CST1: variants seen among roughly 807,000 people sequenced by gnomAD.
CST1 encodes cystatin SN.
Under a neutral mutation model 10.7 loss-of-function variants are expected in CST1, and 19 were observed. The observed-to-expected ratio is 1.78, with a 90% CI of 1.24 to 2.61. The LOEUF is 2.61. Ranked by LOEUF, CST1 falls within the 30% of genes most tolerant of loss-of-function variation. The probability of loss-of-function intolerance (pLI) is 0.00; values close to 1 mark genes in which losing one functional copy is unlikely to be tolerated. For synonymous variants in CST1, 95 were observed against 72.8 expected, an observed-to-expected ratio of 1.31 and a Z score of -1.55; for missense variants, 247 against 178.1, an observed-to-expected ratio of 1.39 and a Z score of -2.20.
chr20:23,750,620 G>T lies in CST1; in HGVS notation c.228+19C>A. The T allele has an allele frequency of 6.2e-7, 1 of 1,612,148 alleles. No individual in the cohort carries two copies. Among genetic ancestry groups the T allele is most frequent in the South Asian group, 1.1e-5 (1 of 91,022 alleles). On this transcript the variant is annotated intron_variant, in intron 1 of 2. Coordinates refer to ENST00000304749, the MANE Select transcript of CST1 (RefSeq NM_001898.3). Reference sequence around the variant, plus strand: ...ACCAGGCTGGGACCCAGGACCCCTGGGGTGGAGGGAGCACCTACCTGTTGC... The same window carrying T: ...ACCAGGCTGGGACCCAGGACCCCTGTGGTGGAGGGAGCACCTACCTGTTGC...
rs1982704254 is a variant in CST1 at position 23,747,801 on chromosome 20, G to T, written c.*15C>A. The T allele has an allele frequency of 8.7e-6, 14 of 1,612,412 alleles. No individual in the cohort carries two copies. The highest frequency in any genetic ancestry group is 1.3e-5 in the African/African-American group (1 of 74,882). Reference sequence around the variant, plus strand: ...GAGTGGGTGGTGGCTGGTGCGAATGGCCTGGCACAGATCCCTAGGATTCTT... The same window carrying T: ...GAGTGGGTGGTGGCTGGTGCGAATGTCCTGGCACAGATCCCTAGGATTCTT... On this transcript the variant is annotated 3_prime_UTR_variant, in exon 3 of 3. Coordinates refer to ENST00000304749, the MANE Select transcript of CST1 (RefSeq NM_001898.3).
At chr20:23,749,996 G>A (rs1982785028) in intron 1 of CST1, among the ~76,000 whole-genome samples, 1 of 151,566 alleles carries the variant, frequency 6.6e-6, no homozygotes, top group South Asian at 2.1e-4. Flanking sequence ...CTGTGCCATG[G>A]GATGCAGGTC....
At chr20:23,750,471 G>A (rs1982798888) in intron 1 of CST1, among the ~76,000 whole-genome samples, 168 bp downstream of exon 1, 1 of 152,230 alleles carries the variant, frequency 6.6e-6, no homozygotes, top group Non-Finnish European at 1.5e-5. Context: ...TGCACGGCCG[G>A]GGAGCGTGCT....
chr20:23,749,774 G>A (rs1352330566), intron 1 of CST1, among the ~76,000 whole-genome samples: 1 of 151,210 alleles, frequency 6.6e-6, no homozygotes, highest in Non-Finnish European at 1.5e-5. Flanking sequence ...TGGGCCTGAT[G>A]GTCTGCAATG....
chr20:23,747,986 A>G, intron 2 of CST1, 87 bp from the exon 3 acceptor site: 1 of 1,316,664 alleles, frequency 7.6e-7, no homozygotes, highest in Non-Finnish European at 1.1e-6. Context: ...AGCCTGGGTG[A>G]GGAGGATGGA....
rs780083129 is a variant in CST1 at position 23,747,864 on chromosome 20, G to A, written c.378C>T (p.Pro126=). The A allele has an allele frequency of 1.2e-5, 19 of 1,613,898 alleles. No homozygotes were observed. The highest frequency in any genetic ancestry group is 1.6e-4 in the Middle Eastern group (1 of 6,080). ...QLCSFEIYEV[P]WENRRSLVKS... ...TCACCAGGGACCTTCTGTTCTCCCA[G>A]GGAACTTCGTAGATCTCGAAAGAGC... The change falls in exon 3 of 3, where the codon CCC becomes CCT. Residue 126 remains proline, a synonymous_variant. Transcript: ENST00000304749.
chr20:23,747,580 T>C lies in CST1; in HGVS notation c.*236A>G. On this transcript the variant is annotated 3_prime_UTR_variant, in exon 3 of 3. Coordinates refer to ENST00000304749, the MANE Select transcript of CST1 (RefSeq NM_001898.3). The stretch of plus-strand genomic sequence containing the variant: ...AGAGGGAGGCGATGCTACTGTTTAA[T>C]TGCAGGAGGTGGGGGGGTGTGTACC... 5.3e-6 allele frequency: 3 copies of C among 563,040 alleles called. No individual in the cohort carries two copies. The highest frequency in any genetic ancestry group is 2.4e-5 in the South Asian group (1 of 41,268). 34.9% of individuals were successfully genotyped at this position (563,040 alleles called of 1,614,324 possible). A position where few individuals can be genotyped will look rare whatever the true frequency, so the allele number is the denominator to read the frequency against.
intron 1 of CST1, 104 bp from the exon 2 acceptor site, chr20:23,749,233 C>T (rs1285047895): frequency 2.2e-6 from 2 of 891,532 alleles, no homozygotes; most frequent in African/African-American, 1.6e-5. Flanking sequence ...TCGTGAGCTG[C>T]CCACATGTCA....
intron 2 of CST1, among the ~76,000 whole-genome samples, chr20:23,748,184 C>A (rs923571771): frequency 7.9e-5 from 12 of 152,098 alleles, no homozygotes; most frequent in African/African-American, 2.7e-4. Context: ...CCTCGGGAGC[C>A]CCAAGGGTGC....
intron 1 of CST1, 77 bp downstream of exon 1, chr20:23,750,562 T>A: frequency 7.7e-7 from 1 of 1,296,678 alleles, no homozygotes; most frequent in Non-Finnish European, 1.1e-6. Flanking sequence ...CAGTGTTGAT[T>A]TGCTGGGAAT....
chr20:23,750,907 G>A lies in CST1; in HGVS notation c.-41C>T. On this transcript the variant is annotated 5_prime_UTR_variant, in exon 1 of 3. Coordinates refer to ENST00000304749, the MANE Select transcript of CST1 (RefSeq NM_001898.3). ...AGAGCACAAAGCTGGAGCTGCAGGA[G>A]AGGAGGGTGAGAGCCCGAGGCAGGG... is the stretch of plus-strand genomic sequence containing the variant. The A allele has an allele frequency of 6.5e-7, 1 of 1,533,838 alleles. No homozygotes were observed. The highest frequency in any genetic ancestry group is 1.9e-5 in the Admixed American group (1 of 52,678).
rs187680281 is a variant in CST1 at position 23,748,856 on chromosome 20, C to A, written c.342+160G>T. ...TCCACATGCACACCTACATGCACACCCCCCCATAAGTACATGAACACGTAC... is the reference window on the plus strand; with the variant it reads ...TCCACATGCACACCTACATGCACACACCCCCATAAGTACATGAACACGTAC... On this transcript the variant is annotated intron_variant, in intron 2 of 2. Transcript: ENST00000304749. Among the ~76,000 whole-genome samples, 1,365 of 152,004 alleles carry A rather than the reference C, an allele frequency of 9.0e-3. 19 individuals carry two copies. Among genetic ancestry groups the A allele is most frequent in the African/African-American group, 0.031 (1,272 of 41,396 alleles).
chr20:23,748,895 C>T, intron 2 of CST1, 121 bp downstream of exon 2: 1 of 715,502 alleles, frequency 1.4e-6, no homozygotes, highest in South Asian at 1.8e-5. Flanking sequence ...TCCATGCATA[C>T]ACGGCTCCCC....
chr20:23,749,218 G>A (rs529861770), intron 1 of CST1, 89 bp from the exon 2 acceptor site: 2 of 1,002,846 alleles, frequency 2.0e-6, no homozygotes, highest in Admixed American at 3.6e-5. Context: ...ACTTGCTTGG[G>A]GGCTTCGTGA....
At chr20:23,749,622 T>A (rs1982774025) in intron 1 of CST1, among the ~76,000 whole-genome samples, 1 of 152,052 alleles carries the variant, frequency 6.6e-6, no homozygotes, top group African/African-American at 2.4e-5. Flanking sequence ...AGATTAGAAT[T>A]GAACCCTTTC....
chr20:23,750,800 G>T lies in CST1; in HGVS notation c.67C>A (p.Pro23Thr). ...ATLAVALAWS[P>T]KEEDRIIPGG... is the part of the protein sequence containing the mutation. The stretch of plus-strand genomic sequence containing the variant: ...GGGATTATCCTATCCTCCTCCTTGG[G>T]GCTCCAGGCCAGGGCCACAGCTAGG... The change falls in exon 1 of 3, where the codon CCC becomes ACC. Residue 23 changes from proline (P) to threonine (T), a missense_variant. By Grantham distance (38) the Pro-to-Thr change is conservative (BLOSUM62 -1). Coordinates refer to ENST00000304749, the MANE Select transcript of CST1 (RefSeq NM_001898.3). 1 of 1,614,050 alleles carries T rather than the reference G, an allele frequency of 6.2e-7. No individual in the cohort carries two copies. The highest frequency in any genetic ancestry group is 8.5e-7 in the Non-Finnish European group (1 of 1,179,976).
Position 23,747,841 on chromosome 20 carries a change from A to G in CST1, c.401T>C (p.Val134Ala). 1 of 1,613,970 alleles carries G rather than the reference A, an allele frequency of 6.2e-7. No homozygotes were observed. Among genetic ancestry groups the G allele is most frequent in the Non-Finnish European group, 8.5e-7 (1 of 1,179,888 alleles). Residue 134 changes from valine (V) to alanine (A), a missense_variant, in exon 3 of 3, where the codon GTG becomes GCG. Physicochemically the swap from Val to Ala is moderately conservative, Grantham distance 64. Coordinates refer to ENST00000304749, the MANE Select transcript of CST1 (RefSeq NM_001898.3). Reference protein sequence around the residue: ...EVPWENRRSLVKSRCQES With the variant: ...EVPWENRRSLAKSRCQES The stretch of plus-strand genomic sequence containing the variant: ...CTAGGATTCTTGACACCTGGATTTC[A>G]CCAGGGACCTTCTGTTCTCCCAGGG...
intron 1 of CST1, 151 bp downstream of exon 1, chr20:23,750,488 T>A (rs1278524833): frequency 2.6e-6 from 2 of 755,412 alleles, no homozygotes; most frequent in Non-Finnish European, 4.4e-6. Context: ...TGCTTAGGCA[T>A]GAAGGGCATC....
chr20:23,750,619 G>C lies in CST1; in HGVS notation c.228+20C>G, dbSNP rs755233987. On this transcript the variant is annotated intron_variant, in intron 1 of 2. Transcript: ENST00000304749. Reference sequence around the variant, plus strand: ...AACCAGGCTGGGACCCAGGACCCCTGGGGTGGAGGGAGCACCTACCTGTTG... The same window carrying C: ...AACCAGGCTGGGACCCAGGACCCCTCGGGTGGAGGGAGCACCTACCTGTTG... 6.8e-6 allele frequency: 11 copies of C among 1,610,310 alleles called. No individual in the cohort carries two copies. The highest frequency in any genetic ancestry group is 1.3e-5 in the African/African-American group (1 of 74,822).
Sources: gnomAD v4.1 joint callset for allele counts (sites outside exome capture counted in the v4.1 genomes callset) on GRCh38, gnomAD v4.1.1 for gene constraint, MANE v1.5 for transcripts, NCBI Gene and HGNC (gene_info 2026-07-23, HGNC 2026-07-21) for gene names.